Variants in CDH4 observed in about 807,000 individuals in gnomAD.
The protein encoded by CDH4 is cadherin 4.
In CDH4, 33 loss-of-function variants were observed where a neutral mutation model predicts 86.0. The ratio of observed to expected loss-of-function variants is 0.38; its 90% CI spans 0.29 to 0.51. The LOEUF (loss-of-function observed/expected upper bound fraction) is 0.51, where lower values mean the gene tolerates loss of function less well. Among genes scored for constraint, CDH4 ranks in the 20% least tolerant of loss-of-function variants. The pLI, the probability that CDH4 is intolerant of heterozygous loss-of-function variation, is 0.86. For synonymous variants in CDH4, 555 were observed against 549.4 expected, an observed-to-expected ratio of 1.01 and a Z score of -0.14; for missense variants, 1,114 against 1,307.4, an observed-to-expected ratio of 0.85 and a Z score of 2.28.
chr20:61,669,533 CT>C (rs1419034011), intron 2 of CDH4, among the ~76,000 whole-genome samples: 1 of 152,208 alleles, frequency 6.6e-6, no homozygotes, highest in African/African-American at 2.4e-5. Flanking sequence ...GCCTCAGCCC[CT>C]GTTTTCAAGC....
At chr20:61,532,045 G>A (rs62201784) in intron 2 of CDH4, among the ~76,000 whole-genome samples, 21,464 of 152,180 alleles carry the variant, frequency 0.14, 1,869 homozygotes, top group East Asian at 0.45. Context: ...GCCTGTTGCC[G>A]GCCCTCAGGC....
At chr20:61,706,852 G>T (rs565849422) in intron 2 of CDH4, among the ~76,000 whole-genome samples, 1 of 152,298 alleles carries the variant, frequency 6.6e-6, no homozygotes, top group Non-Finnish European at 1.5e-5. Flanking sequence ...CACATTAGCC[G>T]CATGACCCTC....
chr20:61,560,527 C>A (rs73320401), intron 2 of CDH4, among the ~76,000 whole-genome samples: 5,482 of 152,336 alleles, frequency 0.036, 325 homozygotes, highest in African/African-American at 0.12. Flanking sequence ...ACAGCTCAGA[C>A]GGCCCTGGGC....
At chr20:61,805,626 G>T (rs547472951) in intron 4 of CDH4, among the ~76,000 whole-genome samples, 2 of 152,214 alleles carry the variant, frequency 1.3e-5, no homozygotes, top group Non-Finnish European at 2.9e-5. Context: ...CACCTGGGGA[G>T]CATTCGACTG....
At chr20:61,925,138 G>A (rs990514567) in intron 11 of CDH4, among the ~76,000 whole-genome samples, 3 of 152,334 alleles carry the variant, frequency 2.0e-5, no homozygotes, top group Non-Finnish European at 2.9e-5. Flanking sequence ...GAGCCTGGAC[G>A]GGAGGGCGAG....
intron 4 of CDH4, among the ~76,000 whole-genome samples, chr20:61,799,515 A>C (rs1366888598): frequency 1.3e-5 from 2 of 152,150 alleles, no homozygotes; most frequent in Non-Finnish European, 2.9e-5. Flanking sequence ...CTGCGTTTCC[A>C]GGTGGGTTGG....
chr20:61,923,736 TGCA>T, intron 10 of CDH4, 32 bp downstream of exon 10: 1 of 1,605,380 alleles, frequency 6.2e-7, no homozygotes, highest in Non-Finnish European at 8.5e-7. Context: ...CGTCCCTGCC[TGCA>T]GCTTCCCAGG....
intron 2 of CDH4, among the ~76,000 whole-genome samples, chr20:61,258,210 G>A (rs1179761636): frequency 6.6e-6 from 1 of 151,468 alleles, no homozygotes; most frequent in Non-Finnish European, 1.5e-5. Flanking sequence ...GGAGCCTGTA[G>A]TCCCAGCTAC....
intron 2 of CDH4, among the ~76,000 whole-genome samples, chr20:61,302,644 G>A (rs1461332493): frequency 1.3e-5 from 2 of 152,154 alleles, no homozygotes; most frequent in Non-Finnish European, 2.9e-5. Flanking sequence ...ATGGCCCGGA[G>A]GGATGGCTGC....
intron 2 of CDH4, among the ~76,000 whole-genome samples, chr20:61,318,792 T>C (rs369894417): frequency 6.6e-6 from 1 of 152,264 alleles, no homozygotes; most frequent in South Asian, 2.1e-4. Context: ...TATGCACTGA[T>C]TGAGTTGAAG....
chr20:61,766,173 G>A (rs1411668629), intron 3 of CDH4, among the ~76,000 whole-genome samples: 1 of 151,838 alleles, frequency 6.6e-6, no homozygotes, highest in African/African-American at 2.4e-5. Flanking sequence ...AGCAGTCCCT[G>A]ACCCTCCCCT....
intron 2 of CDH4, among the ~76,000 whole-genome samples, chr20:61,275,681 G>A (rs2084227614): frequency 1.4e-5 from 2 of 148,054 alleles, no homozygotes; most frequent in African/African-American, 2.5e-5. Context: ...GGAGTACCGT[G>A]TGCAGTTTGG....
intron 6 of CDH4, among the ~76,000 whole-genome samples, chr20:61,873,406 C>T (rs912279871): frequency 2.6e-5 from 4 of 152,264 alleles, no homozygotes; most frequent in Admixed American, 6.5e-5. Context: ...TCCAGGCCTG[C>T]TCTGCTGCCC....
At chr20:61,770,711 G>A (rs1345508835) in intron 3 of CDH4, among the ~76,000 whole-genome samples, 4 of 152,152 alleles carry the variant, frequency 2.6e-5, no homozygotes, top group East Asian at 1.9e-4. Context: ...GTAAAACCCC[G>A]TCTCTACTAA....
At chr20:61,567,925 A>G (rs1467112097) in intron 2 of CDH4, among the ~76,000 whole-genome samples, 3 of 152,152 alleles carry the variant, frequency 2.0e-5, no homozygotes, top group Non-Finnish European at 4.4e-5. Flanking sequence ...GTGAGCTATG[A>G]TTGCACCACT....
chr20:61,577,877 G>T (rs536574580), intron 2 of CDH4, among the ~76,000 whole-genome samples: 1 of 152,252 alleles, frequency 6.6e-6, no homozygotes, highest in East Asian at 1.9e-4. Context: ...CATCTAAGAA[G>T]CAAACTAGCC....
chr20:61,427,819 A>C (rs1244741317), intron 2 of CDH4, among the ~76,000 whole-genome samples: 1 of 152,122 alleles, frequency 6.6e-6, no homozygotes, highest in Non-Finnish European at 1.5e-5. Context: ...AAGGACCTCC[A>C]GTTACCATAT....
chr20:61,334,453 G>A (rs13039058), intron 2 of CDH4, among the ~76,000 whole-genome samples: 84,346 of 151,932 alleles, frequency 0.56, 23,453 homozygotes, highest in East Asian at 0.68. Flanking sequence ...GCCTGAGACC[G>A]GCTAATGGAT....
chr20:61,755,287 GCCCCACACACACCACACA>G (rs2088548276), intron 3 of CDH4, among the ~76,000 whole-genome samples: 1 of 122,172 alleles, frequency 8.2e-6, no homozygotes, highest in South Asian at 3.7e-4. Context: ...ACACACACAC[GCCCCACACACACCACACA>G]CACAGTGCAC....
Sources: gnomAD v4.1 joint callset for allele counts (sites outside exome capture counted in the v4.1 genomes callset) on GRCh38, gnomAD v4.1.1 for gene constraint, MANE v1.5 for transcripts, NCBI Gene and HGNC (gene_info 2026-07-23, HGNC 2026-07-21) for gene names.